The following SNX7 variants were observed in gnomAD, a reference collection of about 807,000 sequenced individuals.
SNX7 encodes sorting nexin 7, also known as sorting nexin-7.
Under a neutral mutation model 48.4 loss-of-function variants are expected in SNX7, and 35 were observed. The observed-to-expected ratio is 0.72, with a 90% CI of 0.55 to 0.96. The LOEUF (loss-of-function observed/expected upper bound fraction) is 0.96. Ranked by LOEUF, SNX7 falls within the 40% of genes least tolerant of loss-of-function variation. The pLI is 0.00. For synonymous variants in SNX7, 190 were observed against 190.2 expected (o/e 1.00, Z 0.01); for missense variants, 553 against 548.9 (o/e 1.01, Z -0.07).
At chr1:98,709,178 T>A (rs1652172227) in intron 7 of SNX7, among the ~76,000 whole-genome samples, 1 of 152,212 alleles carries the variant, frequency 6.6e-6, no homozygotes, top group Admixed American at 6.5e-5. Context: ...CTTAGCCCAG[T>A]GCCTAACCAG....
intron 1 of SNX7, among the ~76,000 whole-genome samples, chr1:98,667,705 T>C (rs1244897298): frequency 1.3e-5 from 2 of 152,062 alleles, no homozygotes; most frequent in African/African-American, 2.4e-5. Context: ...TCTAACTACA[T>C]TGCCTGCATT....
chr1:98,721,812 A>G (rs1262174157), intron 7 of SNX7, among the ~76,000 whole-genome samples: 1 of 152,100 alleles, frequency 6.6e-6, no homozygotes, highest in Non-Finnish European at 1.5e-5. Context: ...TATATTTTGC[A>G]GAAAAGTACA....
intron 3 of SNX7, 36 bp downstream of exon 3, chr1:98,691,221 TA>T (rs1362075754): frequency 7.4e-7 from 1 of 1,360,034 alleles, no homozygotes; most frequent in African/African-American, 1.5e-5. Flanking sequence ...ATAGAATAGC[TA>T]CCAGTTTTCT....
intron 7 of SNX7, among the ~76,000 whole-genome samples, chr1:98,724,849 T>C (rs886889462): frequency 3.9e-5 from 6 of 152,196 alleles, no homozygotes; most frequent in African/African-American, 1.4e-4. Context: ...GAAGCTGATT[T>C]CTCAATCCAT....
chr1:98,695,382 AG>A, intron 4 of SNX7, 135 bp from the exon 5 acceptor site: 1 of 763,096 alleles, frequency 1.3e-6, no homozygotes, highest in Non-Finnish European at 2.1e-6. Flanking sequence ...ATCTGCTTCA[AG>A]CTAACATTAA....
intron 8 of SNX7, among the ~76,000 whole-genome samples, chr1:98,749,280 A>G (rs577545860): frequency 6.6e-5 from 10 of 152,226 alleles, no homozygotes; most frequent in African/African-American, 1.2e-4. Context: ...GTCTTTATCA[A>G]TCTTGAGTTA....
At chr1:98,757,662 C>T (rs1324487564) in intron 8 of SNX7, among the ~76,000 whole-genome samples, 1 of 151,980 alleles carries the variant, frequency 6.6e-6, no homozygotes, top group African/African-American at 2.4e-5. Context: ...CCCCAGGGAC[C>T]ACTATCCTTT....
chr1:98,669,367 T>G (rs963696759), intron 1 of SNX7, among the ~76,000 whole-genome samples: 4 of 152,230 alleles, frequency 2.6e-5, no homozygotes, highest in Non-Finnish European at 5.9e-5. Flanking sequence ...CATAAGGTCT[T>G]CATTCTCCTA....
chr1:98,693,606 T>C (rs1651265897), intron 4 of SNX7, among the ~76,000 whole-genome samples: 1 of 152,226 alleles, frequency 6.6e-6, no homozygotes, highest in South Asian at 2.1e-4. Flanking sequence ...TGATAATGTT[T>C]ACTCTATCAA....
At chr1:98,679,213 T>G (rs1650341108) in intron 1 of SNX7, among the ~76,000 whole-genome samples, 1 of 152,184 alleles carries the variant, frequency 6.6e-6, no homozygotes, top group Non-Finnish European at 1.5e-5. Context: ...AAAGAGCTTG[T>G]GCAGGGAAAC....
chr1:98,667,447 C>A (rs1034222991), intron 1 of SNX7, among the ~76,000 whole-genome samples: 2 of 152,130 alleles, frequency 1.3e-5, no homozygotes, highest in Non-Finnish European at 2.9e-5. Flanking sequence ...GTGATTTTGG[C>A]TCACTGCAAC....
rs1464185904 is a variant in SNX7 at position 98,705,530 on chromosome 1, T to A, written c.1125+3627T>A. Among the ~76,000 whole-genome samples the A allele has an allele frequency of 1.2e-4, 19 of 152,318 alleles. 1 individual carries two copies. In the South Asian group the frequency reaches 3.9e-3, roughly 32 times the overall value. The stretch of plus-strand genomic sequence containing the variant: ...AGCACTCAGTAGCTTTTAGCTGTTG[T>A]CATTTTGATGACAGTATAGAGGTAA... On this transcript the variant is annotated intron_variant, in intron 7 of 8. Transcript: ENST00000306121.
At chr1:98,675,258 A>G (rs561007891) in intron 1 of SNX7, among the ~76,000 whole-genome samples, 1 of 152,260 alleles carries the variant, frequency 6.6e-6, no homozygotes, top group African/African-American at 2.4e-5. Context: ...CCAAATGTTA[A>G]GTCTTTTAAG....
intron 8 of SNX7, among the ~76,000 whole-genome samples, chr1:98,755,030 G>C (rs568059729): frequency 6.6e-6 from 1 of 151,912 alleles, no homozygotes; most frequent in African/African-American, 2.4e-5. Flanking sequence ...AACTCTTTCT[G>C]ATTTCTCCAT....
intron 7 of SNX7, among the ~76,000 whole-genome samples, chr1:98,723,069 C>T (rs933046533): frequency 1.3e-5 from 2 of 152,030 alleles, no homozygotes; most frequent in Non-Finnish European, 2.9e-5. Context: ...GACCTTACAT[C>T]CCAACAGAAA....
At chr1:98,670,543 T>C (rs900481848) in intron 1 of SNX7, among the ~76,000 whole-genome samples, 1 of 152,258 alleles carries the variant, frequency 6.6e-6, no homozygotes, top group African/African-American at 2.4e-5. Flanking sequence ...TACTGTGTTT[T>C]ACTGTACCTT....
chr1:98,727,305 A>G (rs1172034514), intron 7 of SNX7, among the ~76,000 whole-genome samples: 1 of 152,188 alleles, frequency 6.6e-6, no homozygotes, highest in Non-Finnish European at 1.5e-5. Context: ...CTGTTAAAAG[A>G]AAAACAAACA....
chr1:98,719,005 A>G (rs765600380), intron 7 of SNX7, among the ~76,000 whole-genome samples: 5 of 152,136 alleles, frequency 3.3e-5, no homozygotes, highest in Non-Finnish European at 5.9e-5. Flanking sequence ...AATTTTGTAC[A>G]CGTTATTTGT....
At chr1:98,662,904 A>G (rs2100893489) in intron 1 of SNX7, 1 of 1,179,462 alleles carries the variant, frequency 8.5e-7, no homozygotes, top group East Asian at 5.7e-5. Context: ...CTGACTCCAA[A>G]GAGGAGTATA....
Sources: allele counts gnomAD v4.1 joint callset (sites outside exome capture counted in the v4.1 genomes callset), GRCh38; gene constraint gnomAD v4.1.1; transcripts MANE v1.5; gene names NCBI Gene and HGNC (gene_info 2026-07-23, HGNC 2026-07-21).